PARP8: variants seen among roughly 807,000 people sequenced by gnomAD.
PARP8 encodes protein mono-ADP-ribosyltransferase PARP8.
A neutral mutation model predicts 124.1 loss-of-function variants in PARP8; 51 were observed. The ratio of observed to expected loss-of-function variants is 0.41; its 90% CI spans 0.33 to 0.52. PARP8 has a LOEUF of 0.52. PARP8 is among the 20% of genes least tolerant of loss of function. The pLI is 0.21. For synonymous variants in PARP8, 391 were observed against 361.5 expected, an observed-to-expected ratio of 1.08 and a Z score of -0.93; for missense variants, 860 against 1,018.9, an observed-to-expected ratio of 0.84 and a Z score of 2.12.
At chr5:50,700,793 A>G (rs1454191439) in intron 2 of PARP8, among the ~76,000 whole-genome samples, 1 of 152,142 alleles carries the variant, frequency 6.6e-6, no homozygotes, top group Non-Finnish European at 1.5e-5. Flanking sequence ...TAGTAATGCT[A>G]ACTCAGCTAC....
chr5:50,678,643 AT>A (rs1208978308), intron 2 of PARP8, among the ~76,000 whole-genome samples: 1 of 152,182 alleles, frequency 6.6e-6, no homozygotes, highest in Non-Finnish European at 1.5e-5. Context: ...GATTAAACTG[AT>A]ATTTTGTGGC....
intron 9 of PARP8, among the ~76,000 whole-genome samples, chr5:50,782,808 A>C (rs528351542): frequency 6.6e-6 from 1 of 152,310 alleles, no homozygotes; most frequent in East Asian, 1.9e-4. Flanking sequence ...TCTCAGGTAA[A>C]AAAAATAAAC....
At chr5:50,766,197 C>A (rs937273396) in intron 7 of PARP8, among the ~76,000 whole-genome samples, 4 of 152,118 alleles carry the variant, frequency 2.6e-5, no homozygotes, top group African/African-American at 9.7e-5. Context: ...ACCATTCTAT[C>A]CAAAAGCCTA....
At chr5:50,776,761 G>T (rs961328591) in intron 7 of PARP8, among the ~76,000 whole-genome samples, 2 of 152,034 alleles carry the variant, frequency 1.3e-5, no homozygotes, top group Admixed American at 6.5e-5. Context: ...ATCATTAAAA[G>T]TTTCTTCTCT....
chr5:50,828,408 A>T, intron 21 of PARP8, 24 bp downstream of exon 21: 1 of 1,586,832 alleles, frequency 6.3e-7, no homozygotes, highest in Non-Finnish European at 8.6e-7. Flanking sequence ...ATGCTTTCAC[A>T]AGACTTCATT....
At chr5:50,675,746 C>T (rs1750556490) in intron 2 of PARP8, among the ~76,000 whole-genome samples, 1 of 151,954 alleles carries the variant, frequency 6.6e-6, no homozygotes, top group Admixed American at 6.6e-5. Context: ...TAGCCTTTCA[C>T]ATCTGTGAAG....
At chr5:50,680,334 T>TATA (rs1050623449) in intron 2 of PARP8, among the ~76,000 whole-genome samples, 5 of 152,052 alleles carry the variant, frequency 3.3e-5, no homozygotes, top group Non-Finnish European at 4.4e-5. Flanking sequence ...CTATAGTTGC[T>TATA]ATAAAAGGCA....
rs780304817 is a variant in PARP8, at chr5:50,832,808, C to A, written c.2261C>A (p.Ala754Asp). 6.2e-7 allele frequency: 1 copy of A among 1,613,420 alleles called. No homozygotes were observed. The highest frequency in any genetic ancestry group is 1.7e-5 in the Admixed American group (1 of 59,942). Residue 754 changes from alanine (A) to aspartate (D), a missense_variant, in exon 23 of 26, where the codon GCC becomes GAC. Physicochemically the swap from Ala to Asp is moderately radical, Grantham distance 126. Around this residue, in one of 2 missense-constraint regions of PARP8, gnomAD observed 343 missense variants for 474.7 expected, o/e 0.72. Coordinates refer to ENST00000281631, the MANE Select transcript of PARP8 (RefSeq NM_024615.4). ...ATGAACAAGAAACAGAAGGTGTCAG[C>A]CAAGGACGAGCCAGCTTCAAGCAGT... Reference protein sequence around the residue: ...SGMNKKQKVSAKDEPASSSKS... With the variant: ...SGMNKKQKVSDKDEPASSSKS...
intron 2 of PARP8, among the ~76,000 whole-genome samples, chr5:50,691,139 T>C (rs980352508): frequency 1.3e-5 from 2 of 152,202 alleles, no homozygotes; most frequent in African/African-American, 4.8e-5. Context: ...CTTACCTTTT[T>C]CTCACTAACT....
chr5:50,775,339 G>C lies in PARP8; in HGVS notation c.519-2730G>C, dbSNP rs1331140871. ...GGAGGCCGAGGTGGGCAGATCACTCGAGGTCAGGAGCTGGAGACCAGCCCG... is the reference window on the plus strand; with the variant it reads ...GGAGGCCGAGGTGGGCAGATCACTCCAGGTCAGGAGCTGGAGACCAGCCCG... On this transcript the variant is annotated intron_variant, in intron 7 of 25. Coordinates refer to ENST00000281631, the MANE Select transcript of PARP8 (RefSeq NM_024615.4). Among the ~76,000 whole-genome samples, 6 of 152,192 alleles carry C rather than the reference G, an allele frequency of 3.9e-5. 1 individual carries two copies. Among genetic ancestry groups the C allele is most frequent in the Admixed American group, 1.3e-4 (2 of 15,284 alleles).
chr5:50,772,712 T>C (rs1761749413), intron 7 of PARP8, among the ~76,000 whole-genome samples: 2 of 152,112 alleles, frequency 1.3e-5, no homozygotes, highest in Non-Finnish European at 2.9e-5. Flanking sequence ...ATTTTTATTT[T>C]TGAGACAAGA....
chr5:50,757,156 G>T, intron 3 of PARP8: 1 of 455,916 alleles, frequency 2.2e-6, no homozygotes, highest in Non-Finnish European at 4.4e-6. Context: ...TGGTGGTGGA[G>T]ATATTGCTTC....
chr5:50,801,637 C>T (rs1434657493), intron 14 of PARP8, among the ~76,000 whole-genome samples: 1 of 152,170 alleles, frequency 6.6e-6, no homozygotes, highest in African/African-American at 2.4e-5. Flanking sequence ...TTTCAAAGAA[C>T]AGATTCTTCA....
At chr5:50,823,081 T>C (rs1048350178) in intron 17 of PARP8, among the ~76,000 whole-genome samples, 1 of 150,482 alleles carries the variant, frequency 6.6e-6, no homozygotes, top group African/African-American at 2.5e-5. Context: ...CAACGCACAT[T>C]ATGTGTGCAG....
chr5:50,731,115 C>T (rs958040427), intron 2 of PARP8, among the ~76,000 whole-genome samples: 20 of 152,172 alleles, frequency 1.3e-4, no homozygotes, highest in African/African-American at 4.1e-4. Flanking sequence ...CTTCTGGTTC[C>T]GCATGGAATT....
Position 50,777,070 on chromosome 5 carries a change from A to G in PARP8, c.519-999A>G, listed in dbSNP as rs539617887. On this transcript the variant is annotated intron_variant, in intron 7 of 25. Coordinates refer to ENST00000281631, the MANE Select transcript of PARP8 (RefSeq NM_024615.4). ...TCCATTAATGCTTGACCTGGTTTCC[A>G]ACACAAAGTGCTAGTTTCTTGAATA... is the stretch of plus-strand genomic sequence containing the variant. Among the ~76,000 whole-genome samples, 5 of 152,332 alleles carry G rather than the reference A, an allele frequency of 3.3e-5. No homozygotes were observed. The South Asian group carries it at 1.0e-3, about 32-fold the overall frequency.
At position 50,710,081 on chromosome 5, in the gene PARP8, C is replaced by A. The variant is rs1754618625; in HGVS notation, c.147-40070C>A. Among the ~76,000 whole-genome samples, 3 of 151,184 alleles carry A rather than the reference C, an allele frequency of 2.0e-5. No individual in the cohort carries two copies. In the South Asian group the frequency reaches 6.2e-4, roughly 31 times the overall value. On this transcript the variant is annotated intron_variant, in intron 2 of 25. Transcript: ENST00000281631. ...TTAATGACCCTTTAATAAGGAGAAA[C>A]TGTTTAGATTTTGGACAGAGACAAT...
intron 3 of PARP8, among the ~76,000 whole-genome samples, chr5:50,758,086 C>T (rs774085724): frequency 1.3e-5 from 2 of 152,078 alleles, no homozygotes; most frequent in African/African-American, 4.8e-5. Context: ...AAAACATTGA[C>T]TCTAATAGGC....
intron 15 of PARP8, among the ~76,000 whole-genome samples, chr5:50,820,180 A>G (rs1465755861): frequency 6.6e-6 from 1 of 152,212 alleles, no homozygotes; most frequent in African/African-American, 2.4e-5. Context: ...CCCACACAAC[A>G]TAGTCAGCTC....
Sources: allele counts gnomAD v4.1 joint callset (sites outside exome capture counted in the v4.1 genomes callset), GRCh38; gene constraint gnomAD v4.1.1; regional missense constraint gnomAD v4.1.1; transcripts MANE v1.5; gene names NCBI Gene and HGNC (gene_info 2026-07-23, HGNC 2026-07-21).